PEMT: variants seen among roughly 807,000 people sequenced by gnomAD.
PEMT encodes phosphatidylethanolamine N-methyltransferase.
PEMT carries 23 observed loss-of-function variants against 27.4 expected under a neutral mutation model. That is an observed-to-expected ratio of 0.84 (90% CI 0.60 to 1.19). PEMT has a LOEUF of 1.19. Among genes scored for constraint, PEMT ranks in the 50% most tolerant of loss-of-function variants. The pLI is 0.00. For synonymous variants in PEMT, 137 were observed against 139.1 expected (o/e 0.98, Z 0.11); for missense variants, 307 against 310.1 (o/e 0.99, Z 0.07).
At chr17:17,573,973 G>A (rs1243565579) in intron 2 of PEMT, among the ~76,000 whole-genome samples, 1 of 151,824 alleles carries the variant, frequency 6.6e-6, no homozygotes, top group Non-Finnish European at 1.5e-5. Flanking sequence ...GTAGTGGCAG[G>A]GTTTTGCCAT....
chr17:17,559,886 C>A (rs115058064), intron 2 of PEMT, among the ~76,000 whole-genome samples: 2,263 of 152,342 alleles, frequency 0.015, 51 homozygotes, highest in African/African-American at 0.048. Flanking sequence ...CGCTGCACGG[C>A]TGCGAGTGGC....
At chr17:17,577,675 A>C (rs1021954210) in intron 1 of PEMT, among the ~76,000 whole-genome samples, 1 of 151,906 alleles carries the variant, frequency 6.6e-6, no homozygotes, top group Non-Finnish European at 1.5e-5. Context: ...GAAGAAAAAA[A>C]AAAAAAACCC....
chr17:17,544,895 A>G lies in PEMT; in HGVS notation c.205-22500T>C, dbSNP rs1909142320. Among the ~76,000 whole-genome samples the G allele has an allele frequency of 3.3e-5, 5 of 152,224 alleles. No individual in the cohort carries two copies. In the South Asian group the frequency reaches 1.0e-3, roughly 32 times the overall value. ...CAGTTTGGAGACTGACCCCAGCTGC[A>G]GCATTCTTACCAAGGGACCTGGACA... On this transcript the variant is annotated intron_variant, in intron 2 of 6. Transcript: ENST00000255389.
intron 3 of PEMT, among the ~76,000 whole-genome samples, chr17:17,521,399 C>T (rs1008376583): frequency 1.3e-5 from 2 of 152,174 alleles, no homozygotes; most frequent in Admixed American, 1.3e-4. Flanking sequence ...TCACATTCCA[C>T]GCAGGTGGGC....
chr17:17,537,679 G>C (rs896563288), intron 2 of PEMT, among the ~76,000 whole-genome samples: 2 of 152,234 alleles, frequency 1.3e-5, no homozygotes, highest in African/African-American at 2.4e-5. Flanking sequence ...GAAAGAGAAG[G>C]AAAGGCCCGG....
chr17:17,521,666 G>A (rs1357559361), intron 3 of PEMT, among the ~76,000 whole-genome samples: 1 of 152,184 alleles, frequency 6.6e-6, no homozygotes, highest in Non-Finnish European at 1.5e-5. Flanking sequence ...CTGGGTTCAA[G>A]CAATTCTCCT....
intron 2 of PEMT, among the ~76,000 whole-genome samples, chr17:17,533,783 T>C (rs1425743596): frequency 5.9e-5 from 9 of 151,288 alleles, no homozygotes; most frequent in Admixed American, 5.9e-4. Context: ...CAGGCTGGAG[T>C]GCAGTGGTGC....
At chr17:17,551,050 T>C (rs1223597306) in intron 2 of PEMT, among the ~76,000 whole-genome samples, 1 of 152,160 alleles carries the variant, frequency 6.6e-6, no homozygotes, top group Non-Finnish European at 1.5e-5. Flanking sequence ...GTAGGAAAAG[T>C]TGGAAATAAA....
chr17:17,568,240 C>T (rs1438222546), intron 2 of PEMT, among the ~76,000 whole-genome samples: 1 of 152,216 alleles, frequency 6.6e-6, no homozygotes, highest in Non-Finnish European at 1.5e-5. Flanking sequence ...AAAAAGCCCA[C>T]GTGGGCCAAG....
chr17:17,505,585 G>A lies in PEMT; in HGVS notation c.*206C>T, dbSNP rs1323357433. On this transcript the variant is annotated 3_prime_UTR_variant, in exon 7 of 7. Coordinates refer to ENST00000255389, the MANE Select transcript of PEMT (RefSeq NM_148172.3). ...ATGTTGGGGTCAGGGTGCCTTTATT[G>A]GTGAATGGGAATGTGTGGGTTGGAG... is the stretch of plus-strand genomic sequence containing the variant. 6.7e-6 allele frequency: 3 copies of A among 450,130 alleles called. No homozygotes were observed. Among genetic ancestry groups the A allele is most frequent in the African/African-American group, 4.1e-5 (2 of 49,184 alleles). 27.9% of individuals were successfully genotyped at this position (450,130 alleles called of 1,614,324 possible).
chr17:17,507,274 G>T, intron 5 of PEMT: 1 of 1,244,714 alleles, frequency 8.0e-7, no homozygotes, highest in Non-Finnish European at 1.1e-6. Context: ...GGCGGGCACA[G>T]AGGGCGCATG....
intron 1 of PEMT, among the ~76,000 whole-genome samples, chr17:17,583,793 C>T (rs186925966): frequency 7.5e-4 from 114 of 152,326 alleles, no homozygotes; most frequent in African/African-American, 2.6e-3. Flanking sequence ...CTGGGAAGAC[C>T]CCGATGCTGG....
intron 2 of PEMT, among the ~76,000 whole-genome samples, chr17:17,545,394 G>GATTAC (rs1295019785): frequency 1.4e-3 from 216 of 152,288 alleles, no homozygotes; most frequent in African/African-American, 5.1e-3. Flanking sequence ...CTGCCACCTG[G>GATTAC]AGGAGCCCAT....
intron 2 of PEMT, among the ~76,000 whole-genome samples, chr17:17,567,701 G>A (rs1276671049): frequency 1.3e-5 from 2 of 152,252 alleles, no homozygotes; most frequent in African/African-American, 4.8e-5. Flanking sequence ...GAGCTAGGAG[G>A]GCCACAGTAT....
intron 1 of PEMT, 141 bp from the exon 2 acceptor site, chr17:17,577,168 A>G: frequency 1.5e-6 from 1 of 656,730 alleles, no homozygotes; most frequent in Non-Finnish European, 2.7e-6. Flanking sequence ...ACTACAGTGT[A>G]GTCTCATAAA....
At chr17:17,528,822 G>A (rs1220323116) in intron 2 of PEMT, among the ~76,000 whole-genome samples, 2 of 152,338 alleles carry the variant, frequency 1.3e-5, no homozygotes, top group East Asian at 3.9e-4. Context: ...GAGTTGACAA[G>A]GATGGCTGAG....
chr17:17,541,839 C>T (rs188351984), intron 2 of PEMT, among the ~76,000 whole-genome samples: 37 of 152,300 alleles, frequency 2.4e-4, no homozygotes, highest in Admixed American at 1.6e-3. Flanking sequence ...CAGAGAGAAA[C>T]GGCTGCTACC....
intron 2 of PEMT, among the ~76,000 whole-genome samples, chr17:17,544,529 G>A (rs549044394): frequency 3.6e-4 from 55 of 152,022 alleles, no homozygotes; most frequent in Non-Finnish European, 5.7e-4. Context: ...ATCCCAAAGT[G>A]CAGGGATTAC....
At chr17:17,508,875 G>A (rs970328695) in intron 5 of PEMT, 5 of 387,064 alleles carry the variant, frequency 1.3e-5, no homozygotes, top group Admixed American at 3.3e-5. Context: ...TGTCAGCTGC[G>A]GGTGAGCTGG....
Sources: gnomAD v4.1 joint callset for allele counts (sites outside exome capture counted in the v4.1 genomes callset) on GRCh38, gnomAD v4.1.1 for gene constraint, MANE v1.5 for transcripts, NCBI Gene and HGNC (gene_info 2026-07-23, HGNC 2026-07-21) for gene names.